The following LHFPL6 variants were observed in gnomAD, a reference collection of about 807,000 sequenced individuals.
LHFPL6 encodes LHFPL tetraspan subfamily member 6.
Under a neutral mutation model 20.6 loss-of-function variants are expected in LHFPL6, and 9 were observed. That is an observed-to-expected ratio of 0.44 (90% CI 0.26 to 0.76). The LOEUF (loss-of-function observed/expected upper bound fraction) is 0.76, where lower values mean the gene tolerates loss of function less well. Ranked by LOEUF, LHFPL6 falls within the 30% of genes least tolerant of loss-of-function variation. The pLI is 0.20. For synonymous variants in LHFPL6, 105 were observed against 98.7 expected (o/e 1.06, Z -0.38); for missense variants, 218 against 253.5 (o/e 0.86, Z 0.95).
chr13:39,418,487 T>C lies in LHFPL6; in HGVS notation c.386-39961A>G, dbSNP rs74770775. 6.8e-3 allele frequency among the ~76,000 whole-genome samples: 1,027 copies of C among 150,752 alleles called. 5 individuals carry two copies. The highest frequency in any genetic ancestry group is 0.023 in the African/African-American group (956 of 41,052). On this transcript the variant is annotated intron_variant, in intron 2 of 3. Coordinates refer to ENST00000379589, the MANE Select transcript of LHFPL6 (RefSeq NM_005780.3). ...TACTCCCTTATTTTTAACAGACTTATGTACATTTTATCCAGAAATCTCCTA... is the reference window on the plus strand; with the variant it reads ...TACTCCCTTATTTTTAACAGACTTACGTACATTTTATCCAGAAATCTCCTA...
chr13:39,507,273 G>A (rs913336760), intron 2 of LHFPL6, among the ~76,000 whole-genome samples: 1 of 152,180 alleles, frequency 6.6e-6, no homozygotes, highest in Non-Finnish European at 1.5e-5. Context: ...ATGAAATCAG[G>A]CCATTGCATG....
chr13:39,592,597 A>G (rs543845015), intron 2 of LHFPL6, among the ~76,000 whole-genome samples: 230 of 152,322 alleles, frequency 1.5e-3, no homozygotes, highest in African/African-American at 5.3e-3. Flanking sequence ...ATAGAAAAAG[A>G]GGGAATCCTC....
rs1278342758 is a variant in LHFPL6, at chr13:39,559,425, A to C, written c.385+41407T>G. On this transcript the variant is annotated intron_variant, in intron 2 of 3. Coordinates refer to ENST00000379589, the MANE Select transcript of LHFPL6 (RefSeq NM_005780.3). Reference sequence around the variant, plus strand: ...GAGGGGCACTTCGATCTCAAAAATAATATCCAAAGTAGGGCACAGAGTCAG... The same window carrying C: ...GAGGGGCACTTCGATCTCAAAAATACTATCCAAAGTAGGGCACAGAGTCAG... Among the ~76,000 whole-genome samples, 3 of 152,258 alleles carry C rather than the reference A, an allele frequency of 2.0e-5. No individual in the cohort carries two copies. The East Asian group carries it at 5.8e-4, about 29-fold the overall frequency.
intron 2 of LHFPL6, among the ~76,000 whole-genome samples, chr13:39,415,130 C>T (rs1047730435): frequency 1.3e-5 from 2 of 152,208 alleles, no homozygotes; most frequent in African/African-American, 4.8e-5. Flanking sequence ...TTAACTTGTG[C>T]TGTGCTTTTT....
chr13:39,459,372 T>A lies in LHFPL6; in HGVS notation c.386-80846A>T, dbSNP rs542379094. ...ATTCTATTTCATGGTTTTTCCTTTC[T>A]CTCTCCTTCCCTTCTTTTTCTCCCT... On this transcript the variant is annotated intron_variant, in intron 2 of 3. Coordinates refer to ENST00000379589, the MANE Select transcript of LHFPL6 (RefSeq NM_005780.3). Among the ~76,000 whole-genome samples, 163 of 152,154 alleles carry A rather than the reference T, an allele frequency of 1.1e-3. 3 individuals are homozygous for A. The highest frequency in any genetic ancestry group is 0.011 in the Admixed American group (161 of 15,254).
In LHFPL6 at chr13:39,344,032, G is replaced by A. The variant is rs765908229; in HGVS notation, c.507C>T (p.Ala169=). 1 of 1,612,538 alleles carries A rather than the reference G, an allele frequency of 6.2e-7. No individual in the cohort carries two copies. The highest frequency in any genetic ancestry group is 8.5e-7 in the Non-Finnish European group (1 of 1,178,996). The change falls in exon 4 of 4, where the codon GCC becomes GCT. Residue 169 remains alanine (A), a synonymous_variant. Coordinates refer to ENST00000379589, the MANE Select transcript of LHFPL6 (RefSeq NM_005780.3). The part of the protein sequence containing the change: ...FDLGKCEIGW[A]YYCTGAGATA... The stretch of plus-strand genomic sequence containing the variant: ...TGGCACCTGCTCCCGTGCAGTAGTA[G>A]GCCCAGCCGATTTCACACTTCCCTA...
intron 2 of LHFPL6, among the ~76,000 whole-genome samples, chr13:39,577,638 AT>A (rs997560940): frequency 1.3e-4 from 19 of 147,842 alleles, no homozygotes; most frequent in South Asian, 2.1e-4. Flanking sequence ...CAACAACTCA[AT>A]TTTTTTTTTT....
chr13:39,512,885 G>C (rs1869774430), intron 2 of LHFPL6, among the ~76,000 whole-genome samples: 1 of 152,234 alleles, frequency 6.6e-6, no homozygotes. Context: ...CCGTTGGAGA[G>C]GTGAGATGGC....
At chr13:39,497,812 G>C (rs1045425372) in intron 2 of LHFPL6, among the ~76,000 whole-genome samples, 2 of 152,136 alleles carry the variant, frequency 1.3e-5, no homozygotes, top group African/African-American at 4.8e-5. Flanking sequence ...AGAGATGACA[G>C]TAATAGCATT....
intron 2 of LHFPL6, among the ~76,000 whole-genome samples, chr13:39,597,707 G>A (rs1469671632): frequency 6.6e-6 from 1 of 152,168 alleles, no homozygotes; most frequent in African/African-American, 2.4e-5. Context: ...ATTACCACAG[G>A]AAAAGTGATA....
At chr13:39,575,027 C>T (rs896007488) in intron 2 of LHFPL6, among the ~76,000 whole-genome samples, 2 of 151,884 alleles carry the variant, frequency 1.3e-5, no homozygotes, top group Non-Finnish European at 2.9e-5. Flanking sequence ...GCCGAGATAG[C>T]GCTACTGCAC....
chr13:39,413,031 G>A (rs889538557), intron 2 of LHFPL6, among the ~76,000 whole-genome samples: 38 of 152,110 alleles, frequency 2.5e-4, no homozygotes, highest in African/African-American at 9.2e-4. Flanking sequence ...CCTGCCTTCT[G>A]CAGATATCAC....
intron 2 of LHFPL6, among the ~76,000 whole-genome samples, chr13:39,586,005 C>G (rs577692296): frequency 6.6e-6 from 1 of 152,224 alleles, no homozygotes; most frequent in South Asian, 2.1e-4. Flanking sequence ...GGCACCCTCA[C>G]CCCATACCTT....
At chr13:39,469,183 T>C (rs1260334866) in intron 2 of LHFPL6, among the ~76,000 whole-genome samples, 2 of 152,168 alleles carry the variant, frequency 1.3e-5, no homozygotes, top group South Asian at 2.1e-4. Context: ...CAGTAGGTTA[T>C]TTTCCTTTCC....
intron 2 of LHFPL6, among the ~76,000 whole-genome samples, chr13:39,558,369 CTAAA>C (rs1453714173): frequency 6.6e-6 from 1 of 152,142 alleles, no homozygotes; most frequent in Admixed American, 6.5e-5. Flanking sequence ...ATAGCAGTTA[CTAAA>C]TAAATATTAG....
chr13:39,455,225 T>A (rs549095261), intron 2 of LHFPL6, among the ~76,000 whole-genome samples: 2 of 152,232 alleles, frequency 1.3e-5, no homozygotes, highest in East Asian at 3.9e-4. Flanking sequence ...TAACAAAATG[T>A]TCTGGGCGCC....
intron 2 of LHFPL6, among the ~76,000 whole-genome samples, chr13:39,412,935 A>AAG (rs398022423): frequency 9.3e-5 from 14 of 151,232 alleles, no homozygotes; most frequent in African/African-American, 3.4e-4. Flanking sequence ...AAAAAAAAAA[A>AAG]GAAAAAAATT....
At chr13:39,363,092 T>A in intron 3 of LHFPL6, among the ~76,000 whole-genome samples, 1 of 152,156 alleles carries the variant, frequency 6.6e-6, no homozygotes, top group East Asian at 1.9e-4. Context: ...ATTTGAAGGA[T>A]TTTATACAAG....
intron 2 of LHFPL6, among the ~76,000 whole-genome samples, chr13:39,522,969 G>A (rs1482000012): frequency 2.6e-5 from 4 of 152,162 alleles, no homozygotes; most frequent in Non-Finnish European, 4.4e-5. Context: ...AATACCATAT[G>A]AGTAGGTATC....
Sources: allele counts gnomAD v4.1 joint callset (sites outside exome capture counted in the v4.1 genomes callset), GRCh38; gene constraint gnomAD v4.1.1; transcripts MANE v1.5; gene names NCBI Gene and HGNC (gene_info 2026-07-23, HGNC 2026-07-21).